Variants in CTNNA2 observed in about 807,000 individuals in gnomAD.
CTNNA2 encodes catenin alpha 2, also known as catenin alpha-2.
In CTNNA2, 42 loss-of-function variants were observed where a neutral mutation model predicts 101.0. The ratio of observed to expected loss-of-function variants is 0.42; its 90% CI spans 0.32 to 0.54. The LOEUF (loss-of-function observed/expected upper bound fraction) is 0.54, where lower values mean the gene tolerates loss of function less well. Among genes scored for constraint, CTNNA2 ranks in the 20% least tolerant of loss-of-function variants. The probability of loss-of-function intolerance (pLI) is 0.14; values close to 1 mark genes in which losing one functional copy is unlikely to be tolerated. For missense variants in CTNNA2, 871 were observed against 1,223.1 expected, an observed-to-expected ratio of 0.71 and a Z score of 4.29; for synonymous variants, 450 against 456.4, an observed-to-expected ratio of 0.99 and a Z score of 0.18.
chr2:79,621,348 T>C (rs1678987400), intron 1 of CTNNA2, among the ~76,000 whole-genome samples: 1 of 152,174 alleles, frequency 6.6e-6, no homozygotes, highest in Admixed American at 6.5e-5. Flanking sequence ...TTCTCCGTTA[T>C]TGTCCATGGG....
intron 7 of CTNNA2, among the ~76,000 whole-genome samples, chr2:80,062,140 G>T (rs1697638232): frequency 6.6e-6 from 1 of 152,234 alleles, no homozygotes; most frequent in Non-Finnish European, 1.5e-5. Context: ...GAAATGAACA[G>T]TGATGAATAT....
chr2:79,461,727 C>T (rs944831014), intron 4 of CTNNA2, among the ~76,000 whole-genome samples: 1 of 151,790 alleles, frequency 6.6e-6, no homozygotes, highest in Non-Finnish European at 1.5e-5. Context: ...TAACATGTGA[C>T]CCTAAGGAGA....
chr2:80,149,619 A>G (rs1394996589), intron 7 of CTNNA2, among the ~76,000 whole-genome samples: 1 of 152,188 alleles, frequency 6.6e-6, no homozygotes, highest in Non-Finnish European at 1.5e-5. Context: ...TGTGTAGCAT[A>G]CTTACGTAAC....
chr2:79,726,635 C>T (rs1686859411), intron 2 of CTNNA2, among the ~76,000 whole-genome samples: 1 of 152,068 alleles, frequency 6.6e-6, no homozygotes, highest in Non-Finnish European at 1.5e-5. Context: ...GAAACTGGTC[C>T]CTGGTGCCAG....
intron 7 of CTNNA2, among the ~76,000 whole-genome samples, chr2:80,045,035 A>G (rs1355175945): frequency 6.6e-6 from 1 of 152,208 alleles, no homozygotes; most frequent in Non-Finnish European, 1.5e-5. Context: ...CTGAACGCTC[A>G]ACCAGGATGT....
intron 15 of CTNNA2, among the ~76,000 whole-genome samples, chr2:80,599,014 C>T (rs1220994435): frequency 2.0e-5 from 3 of 151,946 alleles, no homozygotes; most frequent in East Asian, 1.9e-4. Flanking sequence ...TGGATTTTAC[C>T]GGTATCAATT....
chr2:80,604,211 G>A, intron 16 of CTNNA2, 32 bp downstream of exon 16: 1 of 1,555,992 alleles, frequency 6.4e-7, no homozygotes, highest in Non-Finnish European at 8.9e-7. Flanking sequence ...GGCACATGCT[G>A]AGTGGAGTCA....
upstream of CTNNA2, among the ~76,000 whole-genome samples, chr2:79,512,800 A>C (rs1671590402): frequency 4.1e-5 from 6 of 147,762 alleles, no homozygotes; most frequent in South Asian, 2.3e-4. Flanking sequence ...GGCGCTCCCC[A>C]GGCCGCGCGC....
chr2:80,038,459 G>A (rs904039691), intron 7 of CTNNA2, among the ~76,000 whole-genome samples: 14 of 152,110 alleles, frequency 9.2e-5, no homozygotes, highest in African/African-American at 3.4e-4. Flanking sequence ...GGTGACTCAC[G>A]CCTGTAATCC....
intron 7 of CTNNA2, among the ~76,000 whole-genome samples, chr2:80,244,670 C>T (rs903131769): frequency 3.9e-5 from 6 of 152,154 alleles, no homozygotes; most frequent in Non-Finnish European, 7.4e-5. Context: ...TTAAAAGTAA[C>T]GTCAAGAAAC....
intron 3 of CTNNA2, among the ~76,000 whole-genome samples, chr2:79,804,648 CTA>C (rs1491010122): frequency 6.6e-6 from 1 of 150,888 alleles, no homozygotes; most frequent in African/African-American, 2.4e-5. Context: ...TTGTAACCTA[CTA>C]TTTTTTTTAT....
At chr2:79,253,433 A>G (rs188744773) in intron 2 of CTNNA2, among the ~76,000 whole-genome samples, 1 of 152,318 alleles carries the variant, frequency 6.6e-6, no homozygotes, top group East Asian at 1.9e-4. Context: ...TCACTGGTGC[A>G]TGTTAATGAT....
At chr2:79,918,982 G>A (rs1686461588) in intron 7 of CTNNA2, among the ~76,000 whole-genome samples, 1 of 152,202 alleles carries the variant, frequency 6.6e-6, no homozygotes. Flanking sequence ...AGGAGCAGGA[G>A]GCTGTCAGCA....
intron 5 of CTNNA2, among the ~76,000 whole-genome samples, chr2:79,506,943 G>A (rs896436037): frequency 2.0e-5 from 3 of 152,128 alleles, no homozygotes; most frequent in Non-Finnish European, 4.4e-5. Context: ...TTCTTTCCCT[G>A]TATAATAGTC....
chr2:79,854,565 A>G (rs1044940472), intron 3 of CTNNA2, among the ~76,000 whole-genome samples: 6 of 152,256 alleles, frequency 3.9e-5, no homozygotes, highest in Non-Finnish European at 7.3e-5. Context: ...CCATGAGTTA[A>G]TACATGTAAA....
chr2:80,285,438 G>A (rs1156425687), intron 7 of CTNNA2, among the ~76,000 whole-genome samples: 1 of 152,162 alleles, frequency 6.6e-6, no homozygotes, highest in Non-Finnish European at 1.5e-5. Flanking sequence ...CATCCCTGAT[G>A]ACAGTCAACT....
chr2:79,662,074 G>A (rs1215869296), intron 2 of CTNNA2, among the ~76,000 whole-genome samples: 3 of 151,466 alleles, frequency 2.0e-5, no homozygotes, highest in Admixed American at 1.3e-4. Context: ...AAGGAAACAA[G>A]CAGAAGATGG....
chr2:79,853,434 G>A (rs1002349231), intron 3 of CTNNA2, among the ~76,000 whole-genome samples: 1 of 152,088 alleles, frequency 6.6e-6, no homozygotes, highest in African/African-American at 2.4e-5. Context: ...TCTTCACCCA[G>A]CACTCTTTGA....
intron 7 of CTNNA2, among the ~76,000 whole-genome samples, chr2:79,931,762 AC>A (rs1687459601): frequency 6.6e-6 from 1 of 152,082 alleles, no homozygotes; most frequent in Non-Finnish European, 1.5e-5. Context: ...GAGGCAGACA[AC>A]CACAAAAATA....
Sources: allele counts gnomAD v4.1 joint callset (sites outside exome capture counted in the v4.1 genomes callset), GRCh38; gene constraint gnomAD v4.1.1; transcripts MANE v1.5; gene names NCBI Gene and HGNC (gene_info 2026-07-23, HGNC 2026-07-21).